The following SCHIP1 variants were observed in gnomAD, a reference collection of about 807,000 sequenced individuals.
The protein encoded by SCHIP1 is schwannomin interacting protein 1.
Under a neutral mutation model 29.7 loss-of-function variants are expected in SCHIP1, and 8 were observed. That is an observed-to-expected ratio of 0.27 (90% confidence interval 0.16 to 0.49). SCHIP1 has a LOEUF of 0.49. Among genes scored for constraint, SCHIP1 ranks in the 20% least tolerant of loss-of-function variants. The pLI is 0.99. For synonymous variants in SCHIP1, 76 were observed against 94.9 expected (o/e 0.80, Z 1.16); for missense variants, 193 against 294.6 (o/e 0.66, Z 2.52).
chr3:159,786,664 AGCGTGTGTGT>A, the SCHIP1 span, among the ~76,000 whole-genome samples: 4 of 95,192 alleles, frequency 4.2e-5, no homozygotes, highest in African/African-American at 2.0e-4. Flanking sequence ...TCTGAGTCAA[AGCGTGTGTGT>A]GTGTGTGTGT....
the SCHIP1 span, among the ~76,000 whole-genome samples, chr3:159,310,255 C>G: frequency 1.3e-5 from 2 of 152,206 alleles, no homozygotes; most frequent in African/African-American, 4.8e-5. Flanking sequence ...AAAAGAGCCA[C>G]AGTCAAACTG....
the SCHIP1 span, among the ~76,000 whole-genome samples, chr3:159,684,806 A>C: frequency 7.3e-5 from 11 of 150,244 alleles, no homozygotes; most frequent in Admixed American, 7.3e-4. Context: ...TCTGTTGCAA[A>C]AAAAAAAAAA....
chr3:159,657,786 G>T, the SCHIP1 span, among the ~76,000 whole-genome samples: 1 of 152,234 alleles, frequency 6.6e-6, no homozygotes, highest in African/African-American at 2.4e-5. Flanking sequence ...GGTCCTTGGA[G>T]GTGCATTCTG....
chr3:159,380,276 C>T, the SCHIP1 span, among the ~76,000 whole-genome samples: 17 of 152,108 alleles, frequency 1.1e-4, no homozygotes, highest in Non-Finnish European at 2.4e-4. Context: ...AGTCTTTCTC[C>T]CTCTTCTAGC....
chr3:159,600,019 T>C, the SCHIP1 span, among the ~76,000 whole-genome samples: 25 of 152,322 alleles, frequency 1.6e-4, no homozygotes, highest in African/African-American at 5.8e-4. Flanking sequence ...TTTCCTTCAG[T>C]TCTTTGAATA....
the SCHIP1 span, among the ~76,000 whole-genome samples, chr3:159,313,150 CA>C: frequency 1.3e-5 from 2 of 151,996 alleles, no homozygotes; most frequent in African/African-American, 4.8e-5. Flanking sequence ...ATGGAGTTAA[CA>C]ACAAAAAGCT....
At chr3:159,508,946 T>G in the SCHIP1 span, among the ~76,000 whole-genome samples, 33 of 152,350 alleles carry the variant, frequency 2.2e-4, no homozygotes, top group Admixed American at 7.2e-4. Context: ...TATATTCTGT[T>G]GATTTGGGGT....
At chr3:159,381,694 C>T in the SCHIP1 span, among the ~76,000 whole-genome samples, 3 of 152,084 alleles carry the variant, frequency 2.0e-5, no homozygotes, top group East Asian at 1.9e-4. Context: ...CTCCTGGGTT[C>T]GAGAGATTCT....
At chr3:159,694,540 GAAAGAAAGAAA>G in the SCHIP1 span, among the ~76,000 whole-genome samples, 22 of 4,874 alleles carry the variant, frequency 4.5e-3, no homozygotes, top group Admixed American at 0.012. Flanking sequence ...GAAAAGACAA[GAAAGAAAGAAA>G]GAAAGAAAGA....
chr3:159,331,160 G>A, the SCHIP1 span, among the ~76,000 whole-genome samples: 1 of 152,162 alleles, frequency 6.6e-6, no homozygotes, highest in Admixed American at 6.5e-5. Flanking sequence ...AGTTCGTCGT[G>A]AGGCAGATTT....
intron 6 of SCHIP1, chr3:159,893,747 G>A (rs1560100125): frequency 6.6e-6 from 1 of 152,122 alleles, no homozygotes; most frequent in African/African-American, 2.4e-5. Context: ...AAGGAGAGGA[G>A]TCACTAATTT....
chr3:159,365,631 TG>T, the SCHIP1 span, among the ~76,000 whole-genome samples: 3 of 152,192 alleles, frequency 2.0e-5, no homozygotes, highest in African/African-American at 7.2e-5. Context: ...ATGGTTGAGT[TG>T]GTTGCCCTGA....
the SCHIP1 span, among the ~76,000 whole-genome samples, chr3:159,574,577 C>G: frequency 6.6e-6 from 1 of 152,244 alleles, no homozygotes; most frequent in Non-Finnish European, 1.5e-5. Flanking sequence ...CAGGGACCCA[C>G]TTGAGAAGAC....
At chr3:159,537,370 G>A in the SCHIP1 span, among the ~76,000 whole-genome samples, 10 of 152,186 alleles carry the variant, frequency 6.6e-5, no homozygotes, top group African/African-American at 2.4e-4. Context: ...CTGTCTCAGG[G>A]CCTCTGAGGA....
chr3:159,877,387 C>A (rs911230478), intron 2 of SCHIP1, among the ~76,000 whole-genome samples: 3 of 152,118 alleles, frequency 2.0e-5, no homozygotes, highest in Non-Finnish European at 4.4e-5. Context: ...ATGTAAATAA[C>A]CATGCTTCAT....
At chr3:159,395,377 C>G in the SCHIP1 span, among the ~76,000 whole-genome samples, 1,363 of 151,962 alleles carry the variant, frequency 9.0e-3, 17 homozygotes, top group African/African-American at 0.031. Context: ...GAATGTGTTT[C>G]CTCTTGCTTT....
the SCHIP1 span, among the ~76,000 whole-genome samples, chr3:159,426,523 G>A: frequency 6.6e-6 from 1 of 152,194 alleles, no homozygotes; most frequent in African/African-American, 2.4e-5. Flanking sequence ...AAGAGGAGCT[G>A]AAATTGTGGC....
At chr3:159,455,399 G>GACA in the SCHIP1 span, among the ~76,000 whole-genome samples, 6 of 152,316 alleles carry the variant, frequency 3.9e-5, no homozygotes, top group South Asian at 1.2e-3. Flanking sequence ...GGCCAGAGAA[G>GACA]ACAAGCAAGG....
chr3:159,595,387 G>A, the SCHIP1 span, among the ~76,000 whole-genome samples: 2 of 152,200 alleles, frequency 1.3e-5, no homozygotes, highest in South Asian at 2.1e-4. Flanking sequence ...GGGAAGGGAA[G>A]GGGAGGTGGG....
Sources: allele counts gnomAD v4.1 joint callset (sites outside exome capture counted in the v4.1 genomes callset), GRCh38; gene constraint gnomAD v4.1.1; transcripts MANE v1.5; gene names NCBI Gene and HGNC (gene_info 2026-07-23, HGNC 2026-07-21).